The following LRRTM4 variants were observed in gnomAD, a reference collection of about 807,000 sequenced individuals.
The protein encoded by LRRTM4 is leucine rich repeat transmembrane neuronal 4, also known as leucine-rich repeat transmembrane neuronal protein 4.
Under a neutral mutation model 47.6 loss-of-function variants are expected in LRRTM4, and 25 were observed. That is an observed-to-expected ratio of 0.53 (90% CI 0.38 to 0.73). LRRTM4 has a LOEUF of 0.73. Among genes scored for constraint, LRRTM4 ranks in the 30% least tolerant of loss-of-function variants. The probability of loss-of-function intolerance (pLI) is 0.00; values close to 1 mark genes in which losing one functional copy is unlikely to be tolerated. For synonymous variants in LRRTM4, 311 were observed against 269.5 expected (o/e 1.15, Z -1.51); for missense variants, 638 against 713.4 (o/e 0.89, Z 1.20).
intron 3 of LRRTM4, among the ~76,000 whole-genome samples, chr2:76,833,803 A>G (rs1671426693): frequency 6.6e-6 from 1 of 151,776 alleles, no homozygotes; most frequent in Non-Finnish European, 1.5e-5. Context: ...CTTAGAGAAA[A>G]TAGCAAAATA....
chr2:77,457,014 A>G lies in LRRTM4; in HGVS notation c.1551+61304T>C, dbSNP rs865867917. Among the ~76,000 whole-genome samples, 15 of 16,148 alleles carry G rather than the reference A, an allele frequency of 9.3e-4. 1 individual carries two copies. In the South Asian group the frequency reaches 0.013, roughly 14 times the overall value. The allele number at this position is 16,148 out of a possible 152,430, so 10.6% of individuals were successfully genotyped here. A position where few individuals can be genotyped will look rare whatever the true frequency, so the allele number is the denominator to read the frequency against. On this transcript the variant is annotated intron_variant, in intron 3 of 3. Coordinates refer to ENST00000409884, the MANE Select transcript of LRRTM4 (RefSeq NM_001134745.3). The stretch of plus-strand genomic sequence containing the variant: ...TGTATGTGTGTGTGTGTATATATAT[A>G]TATATATATATATATATATATATAT...
chr2:76,767,100 C>T (rs1388526833), intron 3 of LRRTM4, among the ~76,000 whole-genome samples: 1 of 152,264 alleles, frequency 6.6e-6, no homozygotes, highest in East Asian at 1.9e-4. Flanking sequence ...TTTGCAGATC[C>T]TCCCCTTAAC....
chr2:77,335,514 A>C (rs1194686390), intron 3 of LRRTM4, among the ~76,000 whole-genome samples: 4 of 152,086 alleles, frequency 2.6e-5, no homozygotes, highest in Non-Finnish European at 4.4e-5. Flanking sequence ...AGTTGCACCT[A>C]CTCAGAAAGG....
chr2:77,026,817 C>T (rs949898972), intron 3 of LRRTM4, among the ~76,000 whole-genome samples: 2 of 151,990 alleles, frequency 1.3e-5, no homozygotes, highest in African/African-American at 4.8e-5. Context: ...TAGAAATACA[C>T]ATGTATTCAA....
At chr2:77,289,783 C>A (rs1676769175) in intron 3 of LRRTM4, among the ~76,000 whole-genome samples, 1 of 151,950 alleles carries the variant, frequency 6.6e-6, no homozygotes, top group Non-Finnish European at 1.5e-5. Flanking sequence ...TTTAAAACTT[C>A]TGACGTGAAA....
chr2:77,289,698 A>G (rs537520553), intron 3 of LRRTM4, among the ~76,000 whole-genome samples: 1 of 152,190 alleles, frequency 6.6e-6, no homozygotes, highest in East Asian at 1.9e-4. Context: ...AGGCAGATTG[A>G]TTGAATTTTG....
chr2:76,960,091 G>A (rs1675804661), intron 3 of LRRTM4, among the ~76,000 whole-genome samples: 4 of 151,468 alleles, frequency 2.6e-5, no homozygotes, highest in East Asian at 3.9e-4. Flanking sequence ...AGGTCTCCCA[G>A]TAGGACTGCC....
chr2:77,201,066 G>C (rs773425294), intron 3 of LRRTM4, among the ~76,000 whole-genome samples: 2 of 152,062 alleles, frequency 1.3e-5, no homozygotes, highest in Non-Finnish European at 2.9e-5. Context: ...TCAAAACAAT[G>C]ATTTCAGGAG....
intron 3 of LRRTM4, among the ~76,000 whole-genome samples, chr2:76,813,768 A>G (rs1034882151): frequency 6.6e-6 from 1 of 152,134 alleles, no homozygotes; most frequent in Non-Finnish European, 1.5e-5. Flanking sequence ...CTTTTTAAGA[A>G]TAGTTTTAGA....
At chr2:77,081,211 C>T (rs1224642796) in intron 3 of LRRTM4, among the ~76,000 whole-genome samples, 1 of 149,274 alleles carries the variant, frequency 6.7e-6, no homozygotes, top group Non-Finnish European at 1.5e-5. Flanking sequence ...TTTCTGTTCC[C>T]TAAAGTATTC....
At position 76,955,209 on chromosome 2, in the gene LRRTM4, AAAT is replaced by A. The variant is rs371175424; in HGVS notation, c.1552-206296_1552-206294del. 3.4e-3 allele frequency among the ~76,000 whole-genome samples: 522 copies of A among 152,014 alleles called. 2 individuals carry two copies. Among genetic ancestry groups the A allele is most frequent in the African/African-American group, 0.012 (498 of 41,520 alleles). ...TGGTAATTCTGTAATGGTGATGTAT[AAAT>A]AACTTTTAATTCTGAAGTAGGAGTT... On this transcript the variant is annotated intron_variant, in intron 3 of 3. Coordinates refer to ENST00000409884, the MANE Select transcript of LRRTM4 (RefSeq NM_001134745.3).
At chr2:77,442,140 C>A (rs576337160) in intron 3 of LRRTM4, among the ~76,000 whole-genome samples, 5 of 152,086 alleles carry the variant, frequency 3.3e-5, no homozygotes, top group African/African-American at 1.2e-4. Context: ...AAATCTAGTA[C>A]AGAAGAACAG....
intron 3 of LRRTM4, among the ~76,000 whole-genome samples, chr2:76,921,571 T>C (rs1160666530): frequency 6.6e-6 from 1 of 152,122 alleles, no homozygotes; most frequent in Non-Finnish European, 1.5e-5. Flanking sequence ...TTTAGAATTT[T>C]TCTGTATGGA....
intron 3 of LRRTM4, among the ~76,000 whole-genome samples, chr2:77,111,311 T>TTTG (rs1671243891): frequency 1.4e-5 from 2 of 140,860 alleles, no homozygotes; most frequent in African/African-American, 5.3e-5. Context: ...TTGTATTTTA[T>TTTG]TAGAAACAGG....
intron 3 of LRRTM4, among the ~76,000 whole-genome samples, chr2:77,078,380 C>CCACCCACA (rs1157173397): frequency 7.2e-6 from 1 of 139,244 alleles, no homozygotes; most frequent in Non-Finnish European, 1.6e-5. Flanking sequence ...ACACACACAC[C>CCACCCACA]CACACACACA....
At chr2:76,798,222 T>G (rs1675459500) in intron 3 of LRRTM4, among the ~76,000 whole-genome samples, 1 of 151,894 alleles carries the variant, frequency 6.6e-6, no homozygotes. Context: ...TCAGAAAATG[T>G]AAAAGAGCAG....
At chr2:76,791,391 T>C (rs1352733299) in intron 3 of LRRTM4, among the ~76,000 whole-genome samples, 1 of 152,154 alleles carries the variant, frequency 6.6e-6, no homozygotes, top group Non-Finnish European at 1.5e-5. Context: ...ATTTTGACTA[T>C]AAAATTAGAA....
intron 3 of LRRTM4, among the ~76,000 whole-genome samples, chr2:77,134,698 T>G (rs745810697): frequency 7.2e-5 from 11 of 152,290 alleles, no homozygotes; most frequent in Non-Finnish European, 1.2e-4. Context: ...GAAAATATCA[T>G]GACTAAAAAT....
At chr2:77,271,870 T>A (rs1676208896) in intron 3 of LRRTM4, among the ~76,000 whole-genome samples, 1 of 152,184 alleles carries the variant, frequency 6.6e-6, no homozygotes. Flanking sequence ...CCACCCACCA[T>A]GTGTCATGCG....
Sources: allele counts gnomAD v4.1 joint callset (sites outside exome capture counted in the v4.1 genomes callset), GRCh38; gene constraint gnomAD v4.1.1; transcripts MANE v1.5; gene names NCBI Gene and HGNC (gene_info 2026-07-23, HGNC 2026-07-21).